VGLL3: variants seen among roughly 807,000 people sequenced by gnomAD.
VGLL3 encodes the protein vestigial like family member 3.
Under a neutral mutation model 29.2 loss-of-function variants are expected in VGLL3, and 18 were observed. The ratio of observed to expected loss-of-function variants is 0.62; its 90% CI spans 0.43 to 0.91. VGLL3 has a LOEUF of 0.91. Ranked by LOEUF, VGLL3 falls within the 40% of genes least tolerant of loss-of-function variation. VGLL3 has a pLI of 0.00. For synonymous variants in VGLL3, 180 were observed against 151.8 expected, an observed-to-expected ratio of 1.19 and a Z score of -1.36; for missense variants, 440 against 413.2, an observed-to-expected ratio of 1.06 and a Z score of -0.56.
chr3:86,990,470 C>T (rs1052770197), intron 1 of VGLL3, 148 bp downstream of exon 1: 17 of 1,240,720 alleles, frequency 1.4e-5, no homozygotes, highest in Middle Eastern at 6.2e-4. Flanking sequence ...CCGGCTCTCT[C>T]GGGATGGCTT....
At chr3:86,963,424 C>A (rs1455048035) in intron 3 of VGLL3, among the ~76,000 whole-genome samples, 1 of 152,094 alleles carries the variant, frequency 6.6e-6, no homozygotes, top group Non-Finnish European at 1.5e-5. Context: ...ATTTGCCAGG[C>A]ATAGCGGATA....
intron 3 of VGLL3, among the ~76,000 whole-genome samples, chr3:86,947,649 A>G (rs1311447398): frequency 6.6e-6 from 1 of 152,166 alleles, no homozygotes; most frequent in African/African-American, 2.4e-5. Context: ...CCTATATTCT[A>G]TTTATTAATT....
chr3:86,958,010 T>C (rs895083245), intron 3 of VGLL3, among the ~76,000 whole-genome samples: 1 of 152,090 alleles, frequency 6.6e-6, no homozygotes, highest in Non-Finnish European at 1.5e-5. Flanking sequence ...TACGTGCACA[T>C]ACGATACAGA....
At chr3:86,960,633 C>T (rs1181300844) in intron 3 of VGLL3, among the ~76,000 whole-genome samples, 1 of 152,028 alleles carries the variant, frequency 6.6e-6, no homozygotes, top group African/African-American at 2.4e-5. Context: ...GTTTTGTTCC[C>T]TCTGTCTGGC....
Position 86,945,631 on chromosome 3 carries a change from G to C in VGLL3, c.*1393C>G, listed in dbSNP as rs1034372190. The C allele has an allele frequency of 1.3e-5, 2 of 152,100 alleles. No homozygotes were observed. The highest frequency in any genetic ancestry group is 1.5e-5 in the Non-Finnish European group (1 of 68,002). 9.4% of individuals were successfully genotyped at this position (152,100 alleles called of 1,614,324 possible). A position where few individuals can be genotyped will look rare whatever the true frequency, so the allele number is the denominator to read the frequency against. The stretch of plus-strand genomic sequence containing the variant: ...ATAATTTAAACTTTATTTAGATCCT[G>C]AGAGCTATATCAAGTTAAATCCTCA... On this transcript the variant is annotated 3_prime_UTR_variant, in exon 4 of 4. Transcript: ENST00000398399.
In VGLL3 at chr3:86,969,006, C is replaced by T; in HGVS notation, c.521G>A (p.Gly174Glu). ...AGCTGCAGAAAAGGTGCCAGGGGGT[C>T]CAGTGACCTGGAAGTCAGGATGAAC... ...GGVHPDFQVT[G>E]PPGTFSAADP... Residue 174 changes from glycine to glutamate, a missense_variant, in exon 3 of 4, where the codon GGA becomes GAA. Physicochemically the swap from Gly to Glu is moderately conservative, Grantham distance 98. Coordinates refer to ENST00000398399, the MANE Select transcript of VGLL3 (RefSeq NM_016206.4). The T allele has an allele frequency of 1.2e-6, 2 of 1,613,930 alleles. No homozygotes were observed. Among genetic ancestry groups the T allele is most frequent in the Non-Finnish European group, 1.7e-6 (2 of 1,179,992 alleles).
At chr3:86,951,094 A>C (rs1281043800) in intron 3 of VGLL3, among the ~76,000 whole-genome samples, 3 of 152,168 alleles carry the variant, frequency 2.0e-5, no homozygotes, top group African/African-American at 7.2e-5. Context: ...CATAAAAAAA[A>C]AGACACCCAC....
rs62622838 is a variant in VGLL3, at chr3:86,968,805, C to A, written c.722G>T (p.Arg241Leu). Residue 241 changes from arginine to leucine, a missense_variant, in exon 3 of 4, where the codon CGC (arginine) becomes CTC (leucine). Physicochemically the swap from Arg to Leu is moderately radical, Grantham distance 102 (BLOSUM62 -2). Transcript: ENST00000398399. ...AGGGTGGTGATGGTGATGATGGTGG[C>A]GGTGGCGGTGGTGCATGTGGGCATG... ...HPHAHMHHRH[R>L]HHHHHHHPPA... The A allele has an allele frequency of 6.2e-7, 1 of 1,613,780 alleles. No homozygotes were observed. The highest frequency in any genetic ancestry group is 1.3e-5 in the African/African-American group (1 of 74,860).
rs28540112 is a variant in VGLL3 at position 86,939,288 on chromosome 3, T to C, written c.*7736A>G. ...CTCCAAGTCCTAATCCCCAGAACCA[T>C]TGAATATGTTACTGTACATGGAAAA... is the stretch of plus-strand genomic sequence containing the variant. On this transcript the variant is annotated 3_prime_UTR_variant, in exon 4 of 4. Transcript: ENST00000398399. The C allele has an allele frequency of 6.6e-6, 1 of 152,176 alleles. No homozygotes were observed. The highest frequency in any genetic ancestry group is 2.4e-5 in the African/African-American group (1 of 41,430). 9.4% of individuals were successfully genotyped at this position (152,176 alleles called of 1,614,324 possible).
chr3:86,960,668 A>G (rs1704818866), intron 3 of VGLL3, among the ~76,000 whole-genome samples: 1 of 152,066 alleles, frequency 6.6e-6, no homozygotes, highest in Non-Finnish European at 1.5e-5. Flanking sequence ...CCCGTCTGTG[A>G]CACACAGTCT....
chr3:86,962,834 A>AGGGAAGCCAGCCTTCACTATTCAAAATG (rs1704881708), intron 3 of VGLL3: 3 of 158,224 alleles, frequency 1.9e-5, no homozygotes, highest in Non-Finnish European at 3.3e-5. Flanking sequence ...TGGCCAAAAT[A>AGGGAAGCCAGCCTTCACTATTCAAAATG]GGGAAGCCAG....
intron 3 of VGLL3, among the ~76,000 whole-genome samples, chr3:86,966,731 T>A (rs1207027631): frequency 1.4e-5 from 2 of 141,174 alleles, no homozygotes; most frequent in Non-Finnish European, 3.0e-5. Context: ...ACAAGGTCTA[T>A]CTCAGATTTA....
chr3:86,968,305 C>T (rs962690572), intron 3 of VGLL3, among the ~76,000 whole-genome samples: 1 of 152,080 alleles, frequency 6.6e-6, no homozygotes, highest in Non-Finnish European at 1.5e-5. Context: ...ATAATGGGCT[C>T]ATTTCTTTTT....
At chr3:86,962,576 A>C (rs1358150425) in intron 3 of VGLL3, 4 of 966,152 alleles carry the variant, frequency 4.1e-6, no homozygotes, top group Non-Finnish European at 4.9e-6. Flanking sequence ...ATTTAAATTT[A>C]AATATTTTAA....
intron 2 of VGLL3, 39 bp from the exon 3 acceptor site, chr3:86,969,162 A>G (rs1378402908): frequency 1.3e-6 from 2 of 1,524,486 alleles, no homozygotes; most frequent in Non-Finnish European, 1.8e-6. Flanking sequence ...TTAACATAAG[A>G]CTCAGTTTTG....
rs368353012 is a variant in VGLL3, at chr3:86,954,794, C to T, written c.938-7727G>A. ...AGCAGATATAAAGAAACTTTGAAGC[C>T]GGAGACAAAGAATAAAGGAAAGGAA... On this transcript the variant is annotated intron_variant, in intron 3 of 3. Coordinates refer to ENST00000398399, the MANE Select transcript of VGLL3 (RefSeq NM_016206.4). Among the ~76,000 whole-genome samples the T allele has an allele frequency of 3.3e-5, 5 of 150,968 alleles. 1 individual carries two copies. In the East Asian group the frequency reaches 9.8e-4, roughly 29 times the overall value.
At chr3:86,981,655 C>T (rs80232976) in intron 1 of VGLL3, among the ~76,000 whole-genome samples, 13,150 of 151,576 alleles carry the variant, frequency 0.087, 1,524 homozygotes, top group African/African-American at 0.26. Context: ...TTATCTCTCT[C>T]GATTCTTTTA....
At chr3:86,990,439 C>T in intron 1 of VGLL3, 179 bp downstream of exon 1, 2 of 978,156 alleles carry the variant, frequency 2.0e-6, no homozygotes. Context: ...ACCCACCCGT[C>T]CACCCTGCTG....
intron 3 of VGLL3, among the ~76,000 whole-genome samples, chr3:86,958,586 G>C (rs1258958232): frequency 6.6e-6 from 1 of 152,100 alleles, no homozygotes; most frequent in African/African-American, 2.4e-5. Context: ...GAAGCCCATG[G>C]GCATGATAGC....
Sources: allele counts gnomAD v4.1 joint callset (sites outside exome capture counted in the v4.1 genomes callset), GRCh38; gene constraint gnomAD v4.1.1; transcripts MANE v1.5; gene names NCBI Gene and HGNC (gene_info 2026-07-23, HGNC 2026-07-21).